Variants in PLOD3 observed in about 807,000 individuals in gnomAD.
The protein encoded by PLOD3 is procollagen-lysine,2-oxoglutarate 5-dioxygenase 3, also known as multifunctional procollagen lysine hydroxylase and glycosyltransferase LH3.
PLOD3 carries 73 observed loss-of-function variants against 96.9 expected under a neutral mutation model. The observed-to-expected ratio is 0.75, with a 90% CI of 0.62 to 0.92. PLOD3 has a LOEUF of 0.92. Among genes scored for constraint, PLOD3 ranks in the 40% least tolerant of loss-of-function variants. The pLI, the probability that PLOD3 is intolerant of heterozygous loss-of-function variation, is 0.00. For synonymous variants in PLOD3, 454 were observed against 413.7 expected, an observed-to-expected ratio of 1.10 and a Z score of -1.18; for missense variants, 1,004 against 1,004.3, an observed-to-expected ratio of 1.00 and a Z score of 0.00.
chr7:101,206,686 G>C, intron 18 of PLOD3, 93 bp downstream of exon 18: 1 of 1,394,570 alleles, frequency 7.2e-7, no homozygotes, highest in Non-Finnish European at 9.9e-7. Flanking sequence ...GAAATGGGCA[G>C]GGAGGGGAGC....
At chr7:101,217,133 C>T in intron 1 of PLOD3, 33 bp downstream of exon 1, 4 of 1,444,786 alleles carry the variant, frequency 2.8e-6, no homozygotes, top group Non-Finnish European at 3.6e-6. Context: ...GCCTCTGCCC[C>T]CTCGGCCGTG....
intron 18 of PLOD3, 103 bp from the exon 19 acceptor site, chr7:101,206,539 C>G: frequency 8.8e-7 from 1 of 1,138,560 alleles, no homozygotes. Context: ...CACGGTGCAG[C>G]AGACCGGGGT....
In PLOD3 at chr7:101,210,110, C is replaced by T. The variant is rs1332762837; in HGVS notation, c.1666G>A (p.Glu556Lys). The T allele has an allele frequency of 4.4e-6, 7 of 1,601,910 alleles. 1 individual carries two copies. The South Asian group carries it at 6.8e-5, about 15-fold the overall frequency. Residue 556 changes from glutamate to lysine, a missense_variant, in exon 15 of 19, where the codon GAA becomes AAA. Transcript: ENST00000223127. ...GGGCTCACCTGCTCCACGATTCCTT[C>T]CCCTTCCAGGGCCCGGCTGTAGTTC... is the stretch of plus-strand genomic sequence containing the variant. ...HENYSRALEG[E>K]GIVEQPCPDV...
rs1402547463 is a variant in PLOD3, at chr7:101,211,712, C to T, written c.1237G>A (p.Val413Met). ...LRILIEENRK[V>M]IAPMLSRHGK... ...TGGCGGGACAGCATGGGGGCGATCA[C>T]CTTCCTGCGGACAGGTGGGGGTGAG... The change falls in exon 12 of 19, where the codon GTG (valine) becomes ATG (methionine). Residue 413 changes from valine to methionine, a missense_variant. By Grantham distance (21) the Val-to-Met change is conservative. Transcript: ENST00000223127. 6.2e-7 allele frequency: 1 copy of T among 1,603,192 alleles called. No homozygotes were observed. The highest frequency in any genetic ancestry group is 1.7e-5 in the Admixed American group (1 of 58,098).
In PLOD3 at chr7:101,212,561, G is replaced by C. The variant is rs771915167; in HGVS notation, c.974C>G (p.Pro325Arg). The C allele has an allele frequency of 1.2e-6, 2 of 1,613,882 alleles. No individual in the cohort carries two copies. The highest frequency in any genetic ancestry group is 1.1e-5 in the South Asian group (1 of 91,068). ...LQRLLLLDYP[P>R]DRVTLFLHNN... Reference sequence around the variant, plus strand: ...GTGCAGGAAAAGGGTGACCCTGTCGGGGGGATAGTCCAGGAGTAGCAGCCG... The same window carrying C: ...GTGCAGGAAAAGGGTGACCCTGTCGCGGGGATAGTCCAGGAGTAGCAGCCG... The change falls in exon 9 of 19, where the codon CCC (proline) becomes CGC (arginine). Residue 325 changes from proline to arginine, a missense_variant. Physicochemically the swap from Pro to Arg is moderately radical, Grantham distance 103 (BLOSUM62 -2). Around this residue, in one of 5 missense-constraint regions of PLOD3, gnomAD observed 690 missense variants for 650.2 expected, o/e 1.06. Transcript: ENST00000223127.
chr7:101,217,224 C>A lies in PLOD3; in HGVS notation c.51G>T (p.Leu17=). 1 of 1,499,028 alleles carries A rather than the reference C, an allele frequency of 6.7e-7. No homozygotes were observed. The highest frequency in any genetic ancestry group is 8.9e-7 in the Non-Finnish European group (1 of 1,125,890). The allele number at this position is 1,499,028 out of a possible 1,614,324, so 92.9% of individuals were successfully genotyped here. ...GPRFLLLLPL[L]LPPAASASDR... ...CGGAGGCTGAGGCCGCAGGGGGCAG[C>A]AGCAGCGGCAGCAGCAGCAGGAACC... The change falls in exon 1 of 19, where the codon CTG becomes CTT. Residue 17 remains leucine (L), a synonymous_variant. Coordinates refer to ENST00000223127, the MANE Select transcript of PLOD3 (RefSeq NM_001084.5).
At chr7:101,207,054 C>A in intron 17 of PLOD3, 150 bp from the exon 18 acceptor site, 1 of 906,750 alleles carries the variant, frequency 1.1e-6, no homozygotes, top group Non-Finnish European at 1.6e-6. Flanking sequence ...TGGCTCACTG[C>A]AACCTCTGCC....
In PLOD3 at chr7:101,210,770, C is replaced by A; in HGVS notation, c.1359-97G>T. 5 of 1,399,210 alleles carry A rather than the reference C, an allele frequency of 3.6e-6. No homozygotes were observed. In the South Asian group the frequency reaches 3.7e-5, roughly 10 times the overall value. 86.7% of individuals were successfully genotyped at this position (1,399,210 alleles called of 1,614,324 possible). ...CCTTCTTCCCTCAGGGTATCCCAGTCCCTGAACATAAGGCCCCTGCATGTC... is the reference window on the plus strand; with the variant it reads ...CCTTCTTCCCTCAGGGTATCCCAGTACCTGAACATAAGGCCCCTGCATGTC... On this transcript the variant is annotated intron_variant, in intron 12 of 18. Coordinates refer to ENST00000223127, the MANE Select transcript of PLOD3 (RefSeq NM_001084.5).
rs1012964067 is a variant in PLOD3, at chr7:101,210,574, G to A, written c.1458C>T (p.Asp486=). The change falls in exon 13 of 19, where the codon GAC becomes GAT. Residue 486 remains aspartate, a synonymous_variant. Coordinates refer to ENST00000223127, the MANE Select transcript of PLOD3 (RefSeq NM_001084.5). ...TACAGAAGGCCATGTCCGGGTCTGT[G>A]TCACTGCCCGAGAACACATCCCTCT... ...LPQRDVFSGS[D]TDPDMAFCKS... is the part of the protein sequence containing the mutation. 1 of 1,614,116 alleles carries A rather than the reference G, an allele frequency of 6.2e-7. No individual in the cohort carries two copies. The highest frequency in any genetic ancestry group is 8.5e-7 in the Non-Finnish European group (1 of 1,180,046).
chr7:101,216,124 C>A (rs377426509), intron 4 of PLOD3, 39 bp downstream of exon 4: 1 of 1,613,538 alleles, frequency 6.2e-7, no homozygotes, highest in Middle Eastern at 1.6e-4. Flanking sequence ...TGTGTCCCAC[C>A]GCTCTTGGCC....
At chr7:101,209,552 G>GTTTTTTTTTT (rs11295764) in intron 15 of PLOD3, among the ~76,000 whole-genome samples, 1 of 110,334 alleles carries the variant, frequency 9.1e-6, no homozygotes. Context: ...TAATTTTTGT[G>GTTTTTTTTTT]TTTTTTTTTT....
intron 4 of PLOD3, 61 bp from the exon 5 acceptor site, chr7:101,216,081 G>T: frequency 6.2e-7 from 1 of 1,605,694 alleles, no homozygotes; most frequent in Non-Finnish European, 8.5e-7. Flanking sequence ...TGTCCCCCAG[G>T]CTGTCTCCAG....
Position 101,206,774 on chromosome 7 carries a change from C to T in PLOD3, c.2061+5G>A, listed in dbSNP as rs767535935. ...GCGTGGGTGGGTAGTGTGACTGGGG[C>T]GCACCTCATAGTCCAGGCCCTTGTG... is the stretch of plus-strand genomic sequence containing the variant. On this transcript the variant is annotated splice_donor_5th_base_variant and intron_variant, in intron 18 of 18. Coordinates refer to ENST00000223127, the MANE Select transcript of PLOD3 (RefSeq NM_001084.5). 16 of 1,580,696 alleles carry T rather than the reference C, an allele frequency of 1.0e-5. No homozygotes were observed. The highest frequency in any genetic ancestry group is 1.7e-4 in the Middle Eastern group (1 of 6,008).
intron 16 of PLOD3, among the ~76,000 whole-genome samples, chr7:101,207,934 T>G (rs527961973): frequency 3.7e-4 from 57 of 152,138 alleles, no homozygotes; most frequent in Non-Finnish European, 6.2e-4. Flanking sequence ...AGCTCCCTAC[T>G]CCTCCCAAGT....
In PLOD3 at chr7:101,212,930, T is replaced by G. The variant is rs1354567434; in HGVS notation, c.791A>C (p.Tyr264Ser). The G allele has an allele frequency of 6.2e-7, 1 of 1,612,448 alleles. No homozygotes were observed. The highest frequency in any genetic ancestry group is 2.2e-5 in the East Asian group (1 of 44,852). Residue 264 changes from tyrosine (Y) to serine (S), a missense_variant, in exon 8 of 19, where the codon TAC (tyrosine) becomes TCC (serine). This residue lies in a region of PLOD3 where 690 missense variants were observed against 650.2 expected (regional missense o/e 1.06). Transcript: ENST00000223127. ...GCCATTGGGGACGTAGTTTCCCAGG[T>G]AGTTGAGCTGCAGCTGTTGGGGACA... ...GNGPTKLQLN[Y>S]LGNYVPNGWT...
rs573153585 is a variant in PLOD3, at chr7:101,209,228, A to G, written c.1684-271T>C. ...CATACCTCTTTTTTTTTTTTTTGAGATAGGGTATTGCTCTGTCAACCAGGC... is the reference window on the plus strand; with the variant it reads ...CATACCTCTTTTTTTTTTTTTTGAGGTAGGGTATTGCTCTGTCAACCAGGC... On this transcript the variant is annotated intron_variant, in intron 15 of 18. Coordinates refer to ENST00000223127, the MANE Select transcript of PLOD3 (RefSeq NM_001084.5). Among the ~76,000 whole-genome samples the G allele has an allele frequency of 2.8e-4, 42 of 148,442 alleles. 1 individual carries two copies. The highest frequency in any genetic ancestry group is 1.0e-3 in the African/African-American group (41 of 40,328).
chr7:101,208,725 G>A, intron 16 of PLOD3, 128 bp downstream of exon 16: 1 of 699,732 alleles, frequency 1.4e-6, no homozygotes, highest in Admixed American at 2.0e-5. Flanking sequence ...ATGCAGTTGT[G>A]ACCCCAGGGT....
In PLOD3 at chr7:101,211,685, C is replaced by A; in HGVS notation, c.1264G>T (p.Gly422Cys). ...KVIAPMLSRH[G>C]KLWSNFWGAL... Reference sequence around the variant, plus strand: ...CCCCAGAAGTTGGACCACAGCTTGCCGTGGCGGGACAGCATGGGGGCGATC... The same window carrying A: ...CCCCAGAAGTTGGACCACAGCTTGCAGTGGCGGGACAGCATGGGGGCGATC... Residue 422 changes from glycine to cysteine, a missense_variant, in exon 12 of 19, where the codon GGC (glycine) becomes TGC (cysteine). Around this residue, in one of 5 missense-constraint regions of PLOD3, gnomAD observed 690 missense variants for 650.2 expected, o/e 1.06. Coordinates refer to ENST00000223127, the MANE Select transcript of PLOD3 (RefSeq NM_001084.5). 6.2e-7 allele frequency: 1 copy of A among 1,606,926 alleles called. No individual in the cohort carries two copies. Among genetic ancestry groups the A allele is most frequent in the Admixed American group, 1.7e-5 (1 of 58,658 alleles).
At chr7:101,217,101 G>A in intron 1 of PLOD3, 65 bp downstream of exon 1, 1 of 1,428,842 alleles carries the variant, frequency 7.0e-7, no homozygotes, top group Non-Finnish European at 9.1e-7. Flanking sequence ...ACCCTCTCCG[G>A]GCCAGGCTGG....
Sources: gnomAD v4.1 joint callset for allele counts (sites outside exome capture counted in the v4.1 genomes callset) on GRCh38, gnomAD v4.1.1 for gene constraint, gnomAD v4.1.1 regional missense constraint, MANE v1.5 for transcripts, NCBI Gene and HGNC (gene_info 2026-07-23, HGNC 2026-07-21) for gene names.